CACNA1G: variants seen among roughly 807,000 people sequenced by gnomAD.
The protein encoded by CACNA1G is calcium voltage-gated channel subunit alpha1 G.
A neutral mutation model predicts 219.4 loss-of-function variants in CACNA1G; 67 were observed. That is an observed-to-expected ratio of 0.31 (90% CI 0.25 to 0.37). The LOEUF is 0.37. Ranked by LOEUF, CACNA1G falls within the 10% of genes least tolerant of loss-of-function variation. The pLI is 1.00. For synonymous variants in CACNA1G, 1,296 were observed against 1,345.3 expected, an observed-to-expected ratio of 0.96 and a Z score of 0.80; for missense variants, 2,380 against 3,231.4, an observed-to-expected ratio of 0.74 and a Z score of 6.39.
chr17:50,606,274 C>T lies in CACNA1G; in HGVS notation c.4422+251C>T, dbSNP rs528660077. 72 of 717,372 alleles carry T rather than the reference C, an allele frequency of 1.0e-4. No individual in the cohort carries two copies. In the Admixed American group the frequency reaches 1.1e-3, roughly 11 times the overall value. 44.4% of individuals were successfully genotyped at this position (717,372 alleles called of 1,614,324 possible). ...ACAGAGGCTCAGAGAGGGTAAGGGG[C>T]TTGCCCAGGGCCACAGAGCTACATG... On this transcript the variant is annotated intron_variant, in intron 23 of 37. Transcript: ENST00000359106.
Position 50,624,041 on chromosome 17 carries a change from A to G in CACNA1G, c.6195A>G (p.Gly2065=). The change falls in exon 36 of 38, where the codon GGA becomes GGG. Residue 2065 remains glycine, a synonymous_variant. Transcript: ENST00000359106. ...RHGSTAEGPL[G]HRGWGLPKAQ... is the part of the protein sequence containing the mutation. ...GGAGCACTGCCGAGGGGCCCCTGGG[A>G]CACAGGGGCTGGGGGCTCCCCAAAG... 6.2e-7 allele frequency: 1 copy of G among 1,612,436 alleles called. No individual in the cohort carries two copies.
chr17:50,591,238 C>T (rs770512124), intron 10 of CACNA1G, among the ~76,000 whole-genome samples, 197 bp from the exon 11 acceptor site: 4 of 152,116 alleles, frequency 2.6e-5, no homozygotes, highest in South Asian at 2.1e-4. Flanking sequence ...GAGGAGAGGG[C>T]GGAGGGGGCC....
intron 28 of CACNA1G, among the ~76,000 whole-genome samples, chr17:50,616,765 A>C (rs1248682891): frequency 1.3e-5 from 2 of 152,230 alleles, no homozygotes; most frequent in Non-Finnish European, 2.9e-5. Context: ...CAGTTTCCTC[A>C]TTTGTAAAAT....
At chr17:50,570,533 G>C (rs1407027622) in intron 4 of CACNA1G, among the ~76,000 whole-genome samples, 1 of 118,590 alleles carries the variant, frequency 8.4e-6, no homozygotes, top group Non-Finnish European at 1.8e-5. Context: ...TTGTGTACCT[G>C]ATGTAGCAGC....
At chr17:50,588,554 C>T (rs773176388) in intron 9 of CACNA1G, among the ~76,000 whole-genome samples, 3 of 152,208 alleles carry the variant, frequency 2.0e-5, no homozygotes, top group East Asian at 3.9e-4. Context: ...ATCCTGGCCC[C>T]GCCCCACCTC....
chr17:50,596,242 C>T lies in CACNA1G; in HGVS notation c.2980-320C>T, dbSNP rs975066175. Among the ~76,000 whole-genome samples, 1 of 152,210 alleles carries T rather than the reference C, an allele frequency of 6.6e-6. No homozygotes were observed. Among genetic ancestry groups the T allele is most frequent in the African/African-American group, 2.4e-5 (1 of 41,458 alleles). On this transcript the variant is annotated intron_variant, in intron 14 of 37. Coordinates refer to ENST00000359106, the MANE Select transcript of CACNA1G (RefSeq NM_018896.5). The surrounding 1 kb of genome is among the most constrained non-coding windows in gnomAD (Gnocchi z 4.8). ...TCCCCAGGTCCCCAGCCCCCTCTGGCCTGTGCCACCTGCCACCTAGCTACC... is the reference window on the plus strand; with the variant it reads ...TCCCCAGGTCCCCAGCCCCCTCTGGTCTGTGCCACCTGCCACCTAGCTACC...
intron 26 of CACNA1G, among the ~76,000 whole-genome samples, chr17:50,612,074 C>G (rs1025931521): frequency 6.6e-6 from 1 of 152,254 alleles, no homozygotes; most frequent in Non-Finnish European, 1.5e-5. Flanking sequence ...TATGCCAGAG[C>G]TTTTCAAACT....
chr17:50,570,066 A>G lies in CACNA1G; in HGVS notation c.586+263A>G, dbSNP rs184632656. Among the ~76,000 whole-genome samples, 276 of 152,252 alleles carry G rather than the reference A, an allele frequency of 1.8e-3. 1 individual carries two copies. Among genetic ancestry groups the G allele is most frequent in the African/African-American group, 6.4e-3 (265 of 41,542 alleles). On this transcript the variant is annotated intron_variant, in intron 4 of 37. Transcript: ENST00000359106. ...ACATCTCAGATGACCCTCTTCCTTCAGCTAGATGACCACTCCCCCCAGGAG... is the reference window on the plus strand; with the variant it reads ...ACATCTCAGATGACCCTCTTCCTTCGGCTAGATGACCACTCCCCCCAGGAG...
chr17:50,602,317 G>C (rs1414915345), intron 19 of CACNA1G, among the ~76,000 whole-genome samples: 1 of 152,230 alleles, frequency 6.6e-6, no homozygotes, highest in African/African-American at 2.4e-5. Context: ...CAGGGAACTA[G>C]ATGGCCTTCC....
At position 50,561,507 on chromosome 17, in the gene CACNA1G, C is replaced by G. The variant is rs2144147134; in HGVS notation, c.48C>G (p.Pro16=). Residue 16 remains proline, a synonymous_variant, in exon 1 of 38, where the codon CCC becomes CCG. Coordinates refer to ENST00000359106, the MANE Select transcript of CACNA1G (RefSeq NM_018896.5). The part of the protein sequence containing the change: ...DGAGAEESGQ[P]RSFMRLNDLS... ...CGGGCGCCGAGGAGTCGGGACAGCC[C>G]CGGAGCTTCATGCGGCTCAACGACC... 6.5e-7 allele frequency: 1 copy of G among 1,536,356 alleles called. No individual in the cohort carries two copies. Among genetic ancestry groups the G allele is most frequent in the South Asian group, 1.2e-5 (1 of 84,010 alleles).
At chr17:50,592,944 C>T (rs1041864666) in intron 13 of CACNA1G, among the ~76,000 whole-genome samples, 4 of 152,210 alleles carry the variant, frequency 2.6e-5, no homozygotes, top group African/African-American at 9.6e-5. Context: ...AATCTATTTT[C>T]CGACTCTTTC....
chr17:50,592,174 T>G, intron 13 of CACNA1G, 82 bp downstream of exon 13: 1 of 1,443,974 alleles, frequency 6.9e-7, no homozygotes, highest in South Asian at 1.3e-5. Context: ...CTCCTCCCTC[T>G]GTTGCCAACT....
At chr17:50,567,098 T>C (rs1469828447) in intron 1 of CACNA1G, among the ~76,000 whole-genome samples, 1 of 152,256 alleles carries the variant, frequency 6.6e-6, no homozygotes, top group Non-Finnish European at 1.5e-5. Flanking sequence ...GTCCCCCTTT[T>C]TCCAGGGTGA....
intron 14 of CACNA1G, 101 bp downstream of exon 14, chr17:50,595,162 G>A: frequency 1.1e-5 from 9 of 846,740 alleles, no homozygotes; most frequent in Non-Finnish European, 1.7e-5. Flanking sequence ...CTCCGCTGCT[G>A]TGCAACCTGT....
At chr17:50,613,872 C>A (rs73987892) in intron 26 of CACNA1G, among the ~76,000 whole-genome samples, 1,956 of 152,296 alleles carry the variant, frequency 0.013, 34 homozygotes, top group African/African-American at 0.044. Context: ...CCGTAGCCTC[C>A]TGTCCTCCCT....
At chr17:50,625,281 C>T (rs2053455139) in intron 37 of CACNA1G, among the ~76,000 whole-genome samples, 1 of 152,222 alleles carries the variant, frequency 6.6e-6, no homozygotes. Context: ...AGGCCACAGC[C>T]CATGCCATGT....
intron 13 of CACNA1G, among the ~76,000 whole-genome samples, chr17:50,593,163 C>A (rs991816976): frequency 6.6e-6 from 1 of 152,240 alleles, no homozygotes; most frequent in African/African-American, 2.4e-5. Flanking sequence ...GAGGGAGGGA[C>A]GCCGGTATGC....
At position 50,621,610 on chromosome 17, in the gene CACNA1G, G is replaced by T. The variant is rs377067159; in HGVS notation, c.5926-50G>T. The T allele has an allele frequency of 2.5e-6, 4 of 1,601,606 alleles. No individual in the cohort carries two copies. Among genetic ancestry groups the T allele is most frequent in the South Asian group, 2.2e-5 (2 of 90,420 alleles). On this transcript the variant is annotated intron_variant, in intron 34 of 37. Transcript: ENST00000359106. The surrounding 1 kb of genome is among the most constrained non-coding windows in gnomAD (Gnocchi z 4.6). ...AGCGCGTGTGTGCGTGTGCACGCGC[G>T]TGTGCGCTGTCCTGGTTTCTCATGC...
Position 50,603,751 on chromosome 17 carries a change from C to A in CACNA1G, c.4170-404C>A, listed in dbSNP as rs17779244. On this transcript the variant is annotated intron_variant, in intron 21 of 37. Coordinates refer to ENST00000359106, the MANE Select transcript of CACNA1G (RefSeq NM_018896.5). This position sits in a 1 kb window ranked among gnomAD's most constrained non-coding sequence, Gnocchi z 6.4. Reference sequence around the variant, plus strand: ...TAATAGGGATGATGTGGACTAATGGCGATGCTTCCCTGACTGTGATAGTCC... The same window carrying A: ...TAATAGGGATGATGTGGACTAATGGAGATGCTTCCCTGACTGTGATAGTCC... Among the ~76,000 whole-genome samples, 41,813 of 151,224 alleles carry A rather than the reference C, an allele frequency of 0.28. 6,476 individuals are homozygous for A. The highest frequency in any genetic ancestry group is 0.35 in the Middle Eastern group (102 of 294).
Sources: gnomAD v4.1 joint callset for allele counts (sites outside exome capture counted in the v4.1 genomes callset) on GRCh38, gnomAD v4.1.1 for gene constraint, Gnocchi (gnomAD v3.1) non-coding constraint, MANE v1.5 for transcripts, NCBI Gene and HGNC (gene_info 2026-07-23, HGNC 2026-07-21) for gene names.